PRDM16: variants seen among roughly 807,000 people sequenced by gnomAD.
PRDM16 encodes the protein PR/SET domain 16.
In PRDM16, 23 loss-of-function variants were observed where a neutral mutation model predicts 110.6. That is an observed-to-expected ratio of 0.21 (90% CI 0.15 to 0.29). The LOEUF (loss-of-function observed/expected upper bound fraction) is 0.29. Ranked by LOEUF, PRDM16 falls within the 10% of genes least tolerant of loss-of-function variation. The pLI, the probability that PRDM16 is intolerant of heterozygous loss-of-function variation, is 1.00. For synonymous variants in PRDM16, 799 were observed against 781.8 expected (o/e 1.02, Z -0.37); for missense variants, 1,615 against 1,794.3 (o/e 0.90, Z 1.81).
intron 3 of PRDM16, among the ~76,000 whole-genome samples, chr1:3,335,351 G>A (rs547352920): frequency 3.3e-5 from 5 of 152,300 alleles, no homozygotes; most frequent in African/African-American, 9.6e-5. Flanking sequence ...GGCTGGGGCC[G>A]GCCTGGAAAT....
At chr1:3,431,639 G>A (rs1381790251) in intron 15 of PRDM16, among the ~76,000 whole-genome samples, 1 of 152,228 alleles carries the variant, frequency 6.6e-6, no homozygotes, top group East Asian at 1.9e-4. Context: ...GGGAGAGGGA[G>A]CCCCGGGCCT....
chr1:3,409,054 CGT>C (rs768946705), intron 8 of PRDM16, among the ~76,000 whole-genome samples: 12 of 144,056 alleles, frequency 8.3e-5, no homozygotes, highest in South Asian at 2.2e-4. Context: ...TGGGCCGGTG[CGT>C]GTGTCGGCGC....
chr1:3,417,929 C>T lies in PRDM16; in HGVS notation c.2793C>T (p.Asn931=), dbSNP rs59135929. 2.7e-3 allele frequency: 4,092 copies of T among 1,516,430 alleles called. 92 individuals carry two copies. The African/African-American group carries it at 0.048, about 18-fold the overall frequency. The allele number at this position is 1,516,430 out of a possible 1,614,324, so 93.9% of individuals were successfully genotyped here. A position where few individuals can be genotyped will look rare whatever the true frequency, so the allele number is the denominator to read the frequency against. ...AGCCCCTCCCCCACCACCCCTTCAA[C>T]TTCCGGTCCCCACCCCCAACGCTCT... ...SLQPLPHHPF[N]FRSPPPTLSD... The change falls in exon 11 of 17, where the codon AAC becomes AAT. Residue 931 remains asparagine (N), a synonymous_variant. Coordinates refer to ENST00000270722, the MANE Select transcript of PRDM16 (RefSeq NM_022114.4).
chr1:3,076,182 G>A (rs1412305683), intron 1 of PRDM16, among the ~76,000 whole-genome samples: 2 of 152,208 alleles, frequency 1.3e-5, no homozygotes, highest in African/African-American at 4.8e-5. Flanking sequence ...TGTCAAGCGT[G>A]GGTGTGTGAA....
intron 8 of PRDM16, among the ~76,000 whole-genome samples, chr1:3,407,579 C>G (rs1198579850): frequency 6.6e-6 from 1 of 152,206 alleles, no homozygotes; most frequent in East Asian, 1.9e-4. Flanking sequence ...AGAGCGGCAC[C>G]AGTTGGTGCC....
chr1:3,282,070 CCTCTAGGTATGGGACGCCAGCT>C (rs1486607730), intron 3 of PRDM16, among the ~76,000 whole-genome samples: 1 of 152,226 alleles, frequency 6.6e-6, no homozygotes, highest in Non-Finnish European at 1.5e-5. Context: ...CCAGGTCCAG[CCTCTAGGTATGGGACGCCAGCT>C]CTCTCCTTAC....
At chr1:3,329,353 T>C (rs1458041836) in intron 3 of PRDM16, among the ~76,000 whole-genome samples, 4 of 149,794 alleles carry the variant, frequency 2.7e-5, no homozygotes, top group Admixed American at 1.3e-4. Context: ...GTAGGACCCC[T>C]CCAACCCACC....
chr1:3,085,846 A>G (rs981205975), intron 1 of PRDM16, among the ~76,000 whole-genome samples: 4 of 152,218 alleles, frequency 2.6e-5, no homozygotes, highest in African/African-American at 9.6e-5. Flanking sequence ...CCAGATGGGC[A>G]CAGCTGTGGG....
chr1:3,350,602 G>C lies in PRDM16; in HGVS notation c.439-34550G>C, dbSNP rs1198381591. Among the ~76,000 whole-genome samples, 1 of 152,156 alleles carries C rather than the reference G, an allele frequency of 6.6e-6. No individual in the cohort carries two copies. Among genetic ancestry groups the C allele is most frequent in the Non-Finnish European group, 1.5e-5 (1 of 68,010 alleles). On this transcript the variant is annotated intron_variant, in intron 3 of 16. Transcript: ENST00000270722. This position sits in a 1 kb window ranked among gnomAD's most constrained non-coding sequence, Gnocchi z 7.1. ...CAGCTGTGGGCGGGTGGAAAGCAGA[G>C]CTGGGAGCCAGCCCTGCCCGGCCAG...
intron 3 of PRDM16, among the ~76,000 whole-genome samples, chr1:3,369,687 T>A (rs1642876677): frequency 1.3e-5 from 2 of 152,232 alleles, no homozygotes; most frequent in Non-Finnish European, 2.9e-5. Flanking sequence ...AGGAAAAGCA[T>A]GTCTCTCTCA....
In PRDM16 at chr1:3,426,189, G is replaced by C. The variant is rs773415200; in HGVS notation, c.3248G>C (p.Ser1083Thr). 11 of 1,613,844 alleles carry C rather than the reference G, an allele frequency of 6.8e-6. No homozygotes were observed. Among genetic ancestry groups the C allele is most frequent in the Non-Finnish European group, 9.3e-6 (11 of 1,179,964 alleles). ...FSEIRNFIANSEMNQASTRTE... is the reference protein window; with the variant it reads ...FSEIRNFIANTEMNQASTRTE... The stretch of plus-strand genomic sequence containing the variant: ...GAAATCAGAAACTTTATTGCCAATA[G>C]TGAGATGAACCAAGCATCAACGCGA... Residue 1083 changes from serine to threonine, a missense_variant, in exon 14 of 17, where the codon AGT becomes ACT. Ser to Thr is a moderately conservative substitution (Grantham distance 58). This residue lies in a region of PRDM16 where 327 missense variants were observed against 359.3 expected (regional missense o/e 0.91). Coordinates refer to ENST00000270722, the MANE Select transcript of PRDM16 (RefSeq NM_022114.4).
At chr1:3,288,760 G>C (rs1640910766) in intron 3 of PRDM16, among the ~76,000 whole-genome samples, 2 of 152,148 alleles carry the variant, frequency 1.3e-5, no homozygotes, top group African/African-American at 4.8e-5. Context: ...AGGGCAGAGG[G>C]GCAGCCAGCC....
In PRDM16 at chr1:3,243,488, G is replaced by A. The variant is rs577047907; in HGVS notation, c.388-599G>A. The stretch of plus-strand genomic sequence containing the variant: ...CCGACCTCTGCCCCTGCCTCTGGCC[G>A]CCCGCCGCTGTCTCCTGGGACCGCT... On this transcript the variant is annotated intron_variant, in intron 2 of 16. Coordinates refer to ENST00000270722, the MANE Select transcript of PRDM16 (RefSeq NM_022114.4). This position sits in a 1 kb window ranked among gnomAD's most constrained non-coding sequence, Gnocchi z 5.5. 3.3e-5 allele frequency among the ~76,000 whole-genome samples: 5 copies of A among 152,074 alleles called. No homozygotes were observed. The highest frequency in any genetic ancestry group is 4.2e-4 in the South Asian group (2 of 4,812).
In PRDM16 at chr1:3,244,954, G is replaced by T. The variant is rs976491532; in HGVS notation, c.438+817G>T. Among the ~76,000 whole-genome samples the T allele has an allele frequency of 3.9e-5, 6 of 152,228 alleles. No homozygotes were observed. Among genetic ancestry groups the T allele is most frequent in the East Asian group, 3.9e-4 (2 of 5,176 alleles). ...CTGATCTCCTATTTTTTGGGGGGGGGTTTCTAGTAAAATTAAAGTAACAGT... is the reference window on the plus strand; with the variant it reads ...CTGATCTCCTATTTTTTGGGGGGGGTTTTCTAGTAAAATTAAAGTAACAGT... On this transcript the variant is annotated intron_variant, in intron 3 of 16. Transcript: ENST00000270722. The surrounding 1 kb of genome is among the most constrained non-coding windows in gnomAD (Gnocchi z 4.1).
intron 3 of PRDM16, among the ~76,000 whole-genome samples, chr1:3,250,221 C>T (rs1639897160): frequency 6.6e-6 from 1 of 151,612 alleles, no homozygotes; most frequent in Non-Finnish European, 1.5e-5. Context: ...GGGCAGAAAT[C>T]AGGCCTGAGG....
At chr1:3,107,940 G>A (rs1642704358) in intron 1 of PRDM16, among the ~76,000 whole-genome samples, 1 of 152,270 alleles carries the variant, frequency 6.6e-6, no homozygotes. Flanking sequence ...CCCCTGCCGG[G>A]GAGGGGGGCT....
intron 3 of PRDM16, among the ~76,000 whole-genome samples, chr1:3,330,640 C>CA (rs1408112504): frequency 6.6e-6 from 1 of 152,206 alleles, no homozygotes; most frequent in African/African-American, 2.4e-5. Flanking sequence ...AATCCCAAGG[C>CA]AATATCTGCC....
At chr1:3,114,189 A>ACACGCACACGCACG (rs1371620362) in intron 1 of PRDM16, among the ~76,000 whole-genome samples, 7 of 86,544 alleles carry the variant, frequency 8.1e-5, no homozygotes, top group South Asian at 4.2e-4. Flanking sequence ...ACACACGCAC[A>ACACGCACACGCACG]CACGCACACG....
chr1:3,096,901 G>A lies in PRDM16; in HGVS notation c.37+27605G>A, dbSNP rs76802036. Reference sequence around the variant, plus strand: ...CGTGGTTTCTAGGAAGAAGCCACCCGTGGAACCATGTAGGTGATTTCGTGC... The same window carrying A: ...CGTGGTTTCTAGGAAGAAGCCACCCATGGAACCATGTAGGTGATTTCGTGC... On this transcript the variant is annotated intron_variant, in intron 1 of 16. Transcript: ENST00000270722. 3.2e-3 allele frequency among the ~76,000 whole-genome samples: 481 copies of A among 152,344 alleles called. 3 individuals are homozygous for A. Among genetic ancestry groups the A allele is most frequent in the African/African-American group, 0.011 (463 of 41,580 alleles).
Sources: allele counts gnomAD v4.1 joint callset (sites outside exome capture counted in the v4.1 genomes callset), GRCh38; gene constraint gnomAD v4.1.1; regional missense constraint gnomAD v4.1.1; non-coding constraint Gnocchi (gnomAD v3.1); transcripts MANE v1.5; gene names NCBI Gene and HGNC (gene_info 2026-07-23, HGNC 2026-07-21).